Variants in C8orf34 observed in about 807,000 individuals in gnomAD.
C8orf34 encodes uncharacterized protein C8orf34.
C8orf34 carries 65 observed loss-of-function variants against 68.3 expected under a neutral mutation model. That is an observed-to-expected ratio of 0.95 (90% CI 0.78 to 1.17). C8orf34 has a LOEUF of 1.17. C8orf34 is among the 50% of genes most tolerant of loss of function. The pLI is 0.00. For synonymous variants in C8orf34, 244 were observed against 241.2 expected, an observed-to-expected ratio of 1.01 and a Z score of -0.11; for missense variants, 664 against 655.4, an observed-to-expected ratio of 1.01 and a Z score of -0.14.
chr8:68,602,343 G>T (rs1012258219), intron 7 of C8orf34, among the ~76,000 whole-genome samples: 1 of 152,092 alleles, frequency 6.6e-6, no homozygotes, highest in Non-Finnish European at 1.5e-5. Flanking sequence ...ATTTGTAAAT[G>T]AAAAAGGTTT....
At chr8:68,805,491 T>C (rs1824455932) in intron 12 of C8orf34, among the ~76,000 whole-genome samples, 1 of 152,196 alleles carries the variant, frequency 6.6e-6, no homozygotes, top group Non-Finnish European at 1.5e-5. Flanking sequence ...TTTGTATCAG[T>C]TCCTGCTTTA....
intron 5 of C8orf34, among the ~76,000 whole-genome samples, chr8:68,506,874 A>T (rs935525045): frequency 6.6e-6 from 1 of 152,152 alleles, no homozygotes; most frequent in South Asian, 2.1e-4. Context: ...TTTTCCTCAC[A>T]TGGATGATAA....
At chr8:68,343,661 T>C (rs1252929041) in intron 1 of C8orf34, among the ~76,000 whole-genome samples, 1 of 151,134 alleles carries the variant, frequency 6.6e-6, no homozygotes, top group Non-Finnish European at 1.5e-5. Flanking sequence ...TGGCACAATC[T>C]CAGCTCACTG....
intron 1 of C8orf34, among the ~76,000 whole-genome samples, chr8:68,348,494 A>G (rs996889978): frequency 4.0e-5 from 6 of 151,820 alleles, no homozygotes; most frequent in East Asian, 1.9e-4. Flanking sequence ...TTCTATTTCT[A>G]TGAAGAACAT....
In C8orf34 at chr8:68,624,204, G is replaced by A. The variant is rs1053288789; in HGVS notation, c.1106-16172G>A. On this transcript the variant is annotated intron_variant, in intron 7 of 13. Coordinates refer to ENST00000518698, the MANE Select transcript of C8orf34 (RefSeq NM_052958.4). ...GGAGAATCACTTGAATCTGGGAGGC[G>A]GAGCTTGCAATGAGCCGAGATCACG... 4.0e-5 allele frequency among the ~76,000 whole-genome samples: 6 copies of A among 151,324 alleles called. No homozygotes were observed. In the South Asian group the frequency reaches 6.3e-4, roughly 16 times the overall value.
chr8:68,628,605 A>T (rs1038844372), intron 7 of C8orf34, among the ~76,000 whole-genome samples: 1 of 152,210 alleles, frequency 6.6e-6, no homozygotes, highest in African/African-American at 2.4e-5. Flanking sequence ...AATCAGCTTT[A>T]TTGATATAAA....
chr8:68,778,562 A>G (rs1823585700), intron 11 of C8orf34, among the ~76,000 whole-genome samples: 1 of 152,174 alleles, frequency 6.6e-6, no homozygotes, highest in Non-Finnish European at 1.5e-5. Flanking sequence ...CTTTTATTCA[A>G]CATCTTCTAT....
intron 1 of C8orf34, among the ~76,000 whole-genome samples, chr8:68,337,669 C>T (rs1805908424): frequency 6.6e-6 from 1 of 152,004 alleles, no homozygotes; most frequent in South Asian, 2.1e-4. Context: ...TAAAGAGCAC[C>T]TAGGGAATCA....
intron 7 of C8orf34, among the ~76,000 whole-genome samples, chr8:68,544,373 C>A (rs934677476): frequency 1.3e-5 from 2 of 152,152 alleles, no homozygotes; most frequent in African/African-American, 4.8e-5. Flanking sequence ...GGGACACACA[C>A]TGAATTGACA....
chr8:68,531,309 A>G (rs1195251268), intron 6 of C8orf34, among the ~76,000 whole-genome samples: 1 of 152,056 alleles, frequency 6.6e-6, no homozygotes. Context: ...TTTATCTAGC[A>G]TCTAATAAAA....
chr8:68,698,198 A>G (rs1200030888), intron 8 of C8orf34, among the ~76,000 whole-genome samples: 2 of 152,116 alleles, frequency 1.3e-5, no homozygotes, highest in Non-Finnish European at 2.9e-5. Flanking sequence ...TTGCGGACAG[A>G]TAGAACCCTA....
At chr8:68,818,160 C>A in intron 13 of C8orf34, 79 bp from the exon 14 acceptor site, 1 of 1,443,466 alleles carries the variant, frequency 6.9e-7, no homozygotes, top group South Asian at 1.2e-5. Flanking sequence ...GCATTAAAAT[C>A]ACAATTTTTC....
At chr8:68,784,810 G>GTGTGTA (rs755632151) in intron 11 of C8orf34, among the ~76,000 whole-genome samples, 42 of 151,892 alleles carry the variant, frequency 2.8e-4, no homozygotes, top group African/African-American at 8.7e-4. Context: ...GTATGTGTGT[G>GTGTGTA]TGTGTGTGTG....
At chr8:68,500,166 C>G (rs947064282) in intron 5 of C8orf34, among the ~76,000 whole-genome samples, 3 of 152,140 alleles carry the variant, frequency 2.0e-5, no homozygotes, top group African/African-American at 7.2e-5. Flanking sequence ...AAATAAATTA[C>G]CTAGACTCAG....
intron 12 of C8orf34, among the ~76,000 whole-genome samples, chr8:68,796,385 T>G (rs573785112): frequency 6.6e-6 from 1 of 152,334 alleles, no homozygotes; most frequent in East Asian, 1.9e-4. Context: ...GTCCTTGATT[T>G]CATCAGCTTA....
chr8:68,347,725 T>G (rs1349180682), intron 1 of C8orf34, among the ~76,000 whole-genome samples: 2 of 151,954 alleles, frequency 1.3e-5, no homozygotes, highest in East Asian at 3.9e-4. Context: ...ATGTTGAGCT[T>G]TTTTTTTCAT....
At chr8:68,497,486 TG>T (rs1210250127) in intron 5 of C8orf34, among the ~76,000 whole-genome samples, 1 of 152,152 alleles carries the variant, frequency 6.6e-6, no homozygotes, top group Non-Finnish European at 1.5e-5. Flanking sequence ...AATTATTCTT[TG>T]ATGAAATGAT....
intron 10 of C8orf34, among the ~76,000 whole-genome samples, chr8:68,772,048 G>A (rs1563660224): frequency 2.0e-5 from 3 of 152,154 alleles, no homozygotes; most frequent in Non-Finnish European, 4.4e-5. Flanking sequence ...AAATGCCCTG[G>A]CCATTCATAT....
intron 8 of C8orf34, among the ~76,000 whole-genome samples, chr8:68,708,296 G>A (rs73683703): frequency 0.081 from 12,262 of 152,178 alleles, 756 homozygotes; most frequent in African/African-American, 0.17. Flanking sequence ...TGAATTTGTA[G>A]AAGTCAAAAA....
Sources: allele counts gnomAD v4.1 joint callset (sites outside exome capture counted in the v4.1 genomes callset), GRCh38; gene constraint gnomAD v4.1.1; transcripts MANE v1.5; gene names NCBI Gene and HGNC (gene_info 2026-07-23, HGNC 2026-07-21).